Variants in GPR179 observed in about 807,000 individuals in gnomAD.
GPR179 encodes G protein-coupled receptor 179.
GPR179 carries 52 observed loss-of-function variants against 70.8 expected under a neutral mutation model. The ratio of observed to expected loss-of-function variants is 0.73; its 90% CI spans 0.59 to 0.93. The LOEUF (loss-of-function observed/expected upper bound fraction) is 0.93, where lower values mean the gene tolerates loss of function less well. Among genes scored for constraint, GPR179 ranks in the 40% least tolerant of loss-of-function variants. The probability of loss-of-function intolerance (pLI) is 0.00; values close to 1 mark genes in which losing one functional copy is unlikely to be tolerated. For missense variants in GPR179, 2,734 were observed against 2,966.8 expected (o/e 0.92, Z 1.82); for synonymous variants, 1,123 against 1,169.0 (o/e 0.96, Z 0.80).
In GPR179 at chr17:38,334,896, C is replaced by T; in HGVS notation, c.1646-54G>A. The T allele has an allele frequency of 1.9e-6, 3 of 1,603,186 alleles. No individual in the cohort carries two copies. The highest frequency in any genetic ancestry group is 2.2e-5 in the East Asian group (1 of 44,638). On this transcript the variant is annotated intron_variant, in intron 7 of 10. Coordinates refer to ENST00000616987, the MANE Select transcript of GPR179 (RefSeq NM_001004334.4). The surrounding 1 kb of genome is among the most constrained non-coding windows in gnomAD (Gnocchi z 4.7). ...GGCACCACCTCAGCAGCTGTCCCAC[C>T]CCTTTCTCTGAAAGATGTGCTGGGG... is the stretch of plus-strand genomic sequence containing the variant.
At chr17:38,341,179 C>T (rs917269876) in intron 1 of GPR179, among the ~76,000 whole-genome samples, 1 of 152,184 alleles carries the variant, frequency 6.6e-6, no homozygotes, top group East Asian at 1.9e-4. Flanking sequence ...TTCACTGTCT[C>T]TGTGGACAAC....
chr17:38,326,452 C>T lies in GPR179; in HGVS notation c.*13G>A, dbSNP rs1448313248. The T allele has an allele frequency of 1.3e-6, 2 of 1,577,742 alleles. No homozygotes were observed. The highest frequency in any genetic ancestry group is 1.2e-5 in the South Asian group (1 of 86,880). On this transcript the variant is annotated 3_prime_UTR_variant, in exon 11 of 11. Coordinates refer to ENST00000616987, the MANE Select transcript of GPR179 (RefSeq NM_001004334.4). ...AAAGCTAGCTCTGTGTTTGACCTCA[C>T]CTAATAAGGCTGTTACTCCCAATCC... is the stretch of plus-strand genomic sequence containing the variant.
Position 38,343,286 on chromosome 17 carries a change from C to T in GPR179, c.504G>A (p.Arg168=), listed in dbSNP as rs1275974592. 3 of 1,614,174 alleles carry T rather than the reference C, an allele frequency of 1.9e-6. No individual in the cohort carries two copies. In the Admixed American group the frequency reaches 5.0e-5, roughly 27 times the overall value. ...CCTGCAGGATGGTTTCCTCCCCAGTCCGGGTGGCCTGCAGGGCCAGCTGTA... is the reference window on the plus strand; with the variant it reads ...CCTGCAGGATGGTTTCCTCCCCAGTTCGGGTGGCCTGCAGGGCCAGCTGTA... ...SHLQLALQAT[R]TGEETILQDL... Residue 168 remains arginine, a synonymous_variant, in exon 1 of 11, where the codon CGG becomes CGA. Transcript: ENST00000616987. This position sits in a 1 kb window ranked among gnomAD's most constrained non-coding sequence, Gnocchi z 4.2.
At position 38,330,787 on chromosome 17, in the gene GPR179, G is replaced by T. The variant is rs779942801; in HGVS notation, c.2782C>A (p.Leu928Met). Residue 928 changes from leucine (L) to methionine (M), a missense_variant, in exon 11 of 11, where the codon CTG (leucine) becomes ATG (methionine). Leu to Met is a conservative substitution (Grantham distance 15). Coordinates refer to ENST00000616987, the MANE Select transcript of GPR179 (RefSeq NM_001004334.4). ...TGGTGCCTGATGGGTGGATGAGGCA[G>T]CCTTCTCCTAGCCTCCTCATGAAGC... The part of the protein sequence containing the change: ...GRLHEEARRR[L>M]PHPPIRHQVS... The T allele has an allele frequency of 3.8e-6, 6 of 1,597,492 alleles. No individual in the cohort carries two copies. Among genetic ancestry groups the T allele is most frequent in the Non-Finnish European group, 5.1e-6 (6 of 1,170,288 alleles).
At chr17:38,336,262 G>GCTCTGCCCT in intron 4 of GPR179, 118 bp from the exon 5 acceptor site, 1 of 749,590 alleles carries the variant, frequency 1.3e-6, no homozygotes. Context: ...TGTAACACTG[G>GCTCTGCCCT]CTCTGCCCTC....
Position 38,328,480 on chromosome 17 carries a change from A to G in GPR179, c.5089T>C (p.Leu1697=). The change falls in exon 11 of 11, where the codon TTG becomes CTG. Residue 1697 remains leucine, a synonymous_variant. Transcript: ENST00000616987. ...DICPLDVEEN[L]TAGKAEICPW... is the part of the protein sequence containing the mutation. ...CAGATTTCTGCCTTCCCAGCAGTCA[A>G]GTTTTCCTCCACATCCAAAGGGCAA... The G allele has an allele frequency of 6.2e-7, 1 of 1,608,910 alleles. No individual in the cohort carries two copies. Among genetic ancestry groups the G allele is most frequent in the Non-Finnish European group, 8.5e-7 (1 of 1,178,352 alleles).
chr17:38,329,371 T>G lies in GPR179; in HGVS notation c.4198A>C (p.Lys1400Gln). The G allele has an allele frequency of 6.2e-7, 1 of 1,614,108 alleles. No homozygotes were observed. Among genetic ancestry groups the G allele is most frequent in the Non-Finnish European group, 8.5e-7 (1 of 1,180,010 alleles). Residue 1400 changes from lysine (K) to glutamine (Q), a missense_variant, in exon 11 of 11, where the codon AAG becomes CAG. Transcript: ENST00000616987. The part of the protein sequence containing the change: ...EDGKPAQEAV[K>Q]DLPQEKQKTR... ...TTCTGCTTTTCCTGAGGGAGATCCT[T>G]CACTGCCTCTTGGGCTGGTTTCCCA... is the stretch of plus-strand genomic sequence containing the variant.
chr17:38,343,214 C>G lies in GPR179; in HGVS notation c.576G>C (p.Leu192=), dbSNP rs1188970867. ...CTCGCTTCTTCAGGGCAGGGGTGTC[C>G]AGGTCCCCAGGAGGGTTCTCCTCCT... ...WVQEENPPGD[L]DTPALKKRVL... The change falls in exon 1 of 11, where the codon CTG becomes CTC. Residue 192 remains leucine, a synonymous_variant. Coordinates refer to ENST00000616987, the MANE Select transcript of GPR179 (RefSeq NM_001004334.4). The surrounding 1 kb of genome is among the most constrained non-coding windows in gnomAD (Gnocchi z 4.2). The G allele has an allele frequency of 6.2e-7, 1 of 1,613,946 alleles. No individual in the cohort carries two copies.
At chr17:38,341,895 A>C (rs925070479) in intron 1 of GPR179, among the ~76,000 whole-genome samples, 1 of 152,134 alleles carries the variant, frequency 6.6e-6, no homozygotes, top group Admixed American at 6.5e-5. Context: ...AGGCGGGCAG[A>C]TCACTTGAGG....
rs753326599 is a variant in GPR179, at chr17:38,330,805, CAT to C, written c.2762_2763del (p.His921ArgfsTer4). On this transcript the variant is annotated frameshift_variant, in exon 11 of 11. Transcript: ENST00000616987. LOFTEE classifies it low-confidence loss of function (END_TRUNC). The part of the protein sequence containing the change: ...VDSSHTSGRL[H>X]EEARRRLPHP... ...TGAGGCAGCCTTCTCCTAGCCTCCT[CAT>C]GAAGCCTCCCAGAGGTGTGAGAGCT... 1 of 1,604,370 alleles carries C rather than the reference CAT, an allele frequency of 6.2e-7. No homozygotes were observed. The highest frequency in any genetic ancestry group is 8.5e-7 in the Non-Finnish European group (1 of 1,175,060).
At position 38,330,459 on chromosome 17, in the gene GPR179, A is replaced by G. The variant is rs2037343188; in HGVS notation, c.3110T>C (p.Val1037Ala). The G allele has an allele frequency of 1.3e-6, 2 of 1,567,146 alleles. No homozygotes were observed. The highest frequency in any genetic ancestry group is 8.7e-7 in the Non-Finnish European group (1 of 1,153,672). The change falls in exon 11 of 11, where the codon GTA becomes GCA. Residue 1037 changes from valine to alanine, a missense_variant. Transcript: ENST00000616987. The stretch of plus-strand genomic sequence containing the variant: ...ATTCTCCCCAGCCCTGCTTTTCTCT[A>G]CTGCAACAGAGAGGGCCCTCCAGAG... ...ARLWRALSVA[V>A]EKSRAGENEM...
chr17:38,331,614 A>C, intron 10 of GPR179, 83 bp from the exon 11 acceptor site: 1 of 1,512,180 alleles, frequency 6.6e-7, no homozygotes, highest in Non-Finnish European at 8.8e-7. Context: ...CCTTGCCTAG[A>C]CCTTTTTCCC....
chr17:38,328,008 G>A lies in GPR179; in HGVS notation c.5561C>T (p.Ser1854Phe), dbSNP rs1454806747. Residue 1854 changes from serine to phenylalanine, a missense_variant, in exon 11 of 11, where the codon TCC becomes TTC. Coordinates refer to ENST00000616987, the MANE Select transcript of GPR179 (RefSeq NM_001004334.4). The stretch of plus-strand genomic sequence containing the variant: ...CCCTTTTGATACGTCTTCTCCCAGG[G>A]AAGTGAGTCTCCCCTTTTCTAGAGC... ...EKALEKGRLT[S>F]LGEDVSKGMA... The A allele has an allele frequency of 2.5e-6, 4 of 1,614,088 alleles. No homozygotes were observed. The Admixed American group carries it at 6.7e-5, about 27-fold the overall frequency.
At chr17:38,340,299 G>A (rs528185812) in intron 1 of GPR179, among the ~76,000 whole-genome samples, 2 of 152,238 alleles carry the variant, frequency 1.3e-5, no homozygotes, top group African/African-American at 4.8e-5. Context: ...ACCATGCCTG[G>A]CTAGTTTTTA....
In GPR179 at chr17:38,329,953, C is replaced by A; in HGVS notation, c.3616G>T (p.Val1206Phe). The A allele has an allele frequency of 1.9e-6, 3 of 1,614,242 alleles. No individual in the cohort carries two copies. The African/African-American group carries it at 4.0e-5, about 22-fold the overall frequency. ...GKTGLAMLRQ[V>F]SRDKNIKQSK... Reference sequence around the variant, plus strand: ...TGCTTGATGTTTTTGTCCCTGGAAACTTGCCTCAGCATGGCAAGCCCTGTT... The same window carrying A: ...TGCTTGATGTTTTTGTCCCTGGAAAATTGCCTCAGCATGGCAAGCCCTGTT... Residue 1206 changes from valine to phenylalanine, a missense_variant, in exon 11 of 11, where the codon GTT (valine) becomes TTT (phenylalanine). Physicochemically the swap from Val to Phe is conservative, Grantham distance 50. Transcript: ENST00000616987.
Position 38,328,339 on chromosome 17 carries a change from C to T in GPR179, c.5230G>A (p.Ala1744Thr), listed in dbSNP as rs1304889396. ...VSADLGPRER[A>T]VTAPEKPQKP... The stretch of plus-strand genomic sequence containing the variant: ...TGTGGCTTCTCTGGAGCAGTAACAG[C>T]TCTCTCCCTGGGTCCAAGATCTGCA... Residue 1744 changes from alanine to threonine, a missense_variant, in exon 11 of 11, where the codon GCT (alanine) becomes ACT (threonine). Physicochemically the swap from Ala to Thr is moderately conservative, Grantham distance 58 (BLOSUM62 0). Coordinates refer to ENST00000616987, the MANE Select transcript of GPR179 (RefSeq NM_001004334.4). 1.2e-6 allele frequency: 2 copies of T among 1,614,094 alleles called. No individual in the cohort carries two copies. Among genetic ancestry groups the T allele is most frequent in the Admixed American group, 1.7e-5 (1 of 60,016 alleles).
rs775725194 is a variant in GPR179, at chr17:38,336,155, A to G, written c.1228-11T>C. On this transcript the variant is annotated splice_polypyrimidine_tract_variant and intron_variant, in intron 4 of 10. Transcript: ENST00000616987. ...AGATGCCCAGATCCTCTGTGAAGCA[A>G]GGAGAGAGGCATGTGAGCAGAGTCT... 1 of 1,598,146 alleles carries G rather than the reference A, an allele frequency of 6.3e-7. No homozygotes were observed. Among genetic ancestry groups the G allele is most frequent in the East Asian group, 2.2e-5 (1 of 44,814 alleles).
chr17:38,336,887 C>A (rs2037407952), intron 4 of GPR179, 91 bp downstream of exon 4: 4 of 1,320,496 alleles, frequency 3.0e-6, no homozygotes, highest in African/African-American at 1.5e-5. Context: ...AGATTAGAAC[C>A]AATTTCTCCT....
chr17:38,330,283 G>T lies in GPR179; in HGVS notation c.3286C>A (p.Arg1096Ser). Residue 1096 changes from arginine (R) to serine (S), a missense_variant, in exon 11 of 11, where the codon CGT (arginine) becomes AGT (serine). Coordinates refer to ENST00000616987, the MANE Select transcript of GPR179 (RefSeq NM_001004334.4). ...SLGLAIKALT[R>S]SRSTYREKES... ...TTCTCTCTGTAGGTGCTCCGAGAACGGGTCAGAGCTTTAATCGCCAGCCCC... is the reference window on the plus strand; with the variant it reads ...TTCTCTCTGTAGGTGCTCCGAGAACTGGTCAGAGCTTTAATCGCCAGCCCC... 1.2e-6 allele frequency: 2 copies of T among 1,606,794 alleles called. No individual in the cohort carries two copies. The highest frequency in any genetic ancestry group is 1.7e-6 in the Non-Finnish European group (2 of 1,175,602).
Sources: gnomAD v4.1 joint callset for allele counts (sites outside exome capture counted in the v4.1 genomes callset) on GRCh38, gnomAD v4.1.1 for gene constraint, Gnocchi (gnomAD v3.1) non-coding constraint, MANE v1.5 for transcripts, NCBI Gene and HGNC (gene_info 2026-07-23, HGNC 2026-07-21) for gene names.